CCDC88C: variants seen among roughly 807,000 people sequenced by gnomAD.
The protein encoded by CCDC88C is coiled-coil and HOOK domain protein 88C, also known as protein Daple.
CCDC88C carries 131 observed loss-of-function variants against 198.8 expected under a neutral mutation model. The ratio of observed to expected loss-of-function variants is 0.66; its 90% CI spans 0.57 to 0.76. CCDC88C has a LOEUF of 0.76. Ranked by LOEUF, CCDC88C falls within the 30% of genes least tolerant of loss-of-function variation. The pLI, the probability that CCDC88C is intolerant of heterozygous loss-of-function variation, is 0.00. For synonymous variants in CCDC88C, 1,166 were observed against 1,114.7 expected (o/e 1.05, Z -0.92); for missense variants, 2,553 against 2,631.6 (o/e 0.97, Z 0.65).
At chr14:91,412,880 T>C (rs1396188000) in intron 2 of CCDC88C, among the ~76,000 whole-genome samples, 1 of 152,170 alleles carries the variant, frequency 6.6e-6, no homozygotes, top group Non-Finnish European at 1.5e-5. Flanking sequence ...CAAGTAAAAT[T>C]TCCCCTTTTA....
Position 91,339,061 on chromosome 14 carries a change from T to C in CCDC88C, c.809+217A>G. The C allele has an allele frequency of 7.7e-6, 5 of 647,288 alleles. No individual in the cohort carries two copies. The highest frequency in any genetic ancestry group is 2.2e-5 in the Admixed American group (1 of 46,172). 40.1% of individuals were successfully genotyped at this position (647,288 alleles called of 1,614,324 possible). ...GCACCGTCTGGACGGGAGGAAACCC[T>C]GAAGACCGGGAAGAATCCCCGCCCC... On this transcript the variant is annotated intron_variant, in intron 8 of 29. Transcript: ENST00000389857. The surrounding 1 kb of genome is among the most constrained non-coding windows in gnomAD (Gnocchi z 5.8).
Position 91,313,188 on chromosome 14 carries a change from C to T in CCDC88C, c.2628G>A (p.Leu876=). ...EKESRALDKE[L]ARCRDAAGKL... is the part of the protein sequence containing the mutation. The stretch of plus-strand genomic sequence containing the variant: ...TGCCGGCTGCGTCCCTGCAGCGGGC[C>T]AGCTCCTTGTCCAGCGCGCGGCTCT... Residue 876 remains leucine, a synonymous_variant, in exon 15 of 30, where the codon CTG becomes CTA. Coordinates refer to ENST00000389857, the MANE Select transcript of CCDC88C (RefSeq NM_001080414.4). The surrounding 1 kb of genome is among the most constrained non-coding windows in gnomAD (Gnocchi z 5.2). 6.2e-7 allele frequency: 1 copy of T among 1,613,644 alleles called. No homozygotes were observed. The highest frequency in any genetic ancestry group is 1.3e-5 in the African/African-American group (1 of 75,068).
Position 91,293,474 on chromosome 14 carries a change from G to A in CCDC88C, c.4112+699C>T, listed in dbSNP as rs1235631918. Among the ~76,000 whole-genome samples the A allele has an allele frequency of 2.6e-5, 3 of 114,440 alleles. 1 individual carries two copies. Among genetic ancestry groups the A allele is most frequent in the East Asian group, 2.5e-4 (1 of 4,058 alleles). 75.1% of individuals were successfully genotyped at this position (114,440 alleles called of 152,430 possible). On this transcript the variant is annotated intron_variant, in intron 23 of 29. Coordinates refer to ENST00000389857, the MANE Select transcript of CCDC88C (RefSeq NM_001080414.4). The stretch of plus-strand genomic sequence containing the variant: ...ACGGTCCACCTTCCCATCCTCACCT[G>A]CCACAGCTCACCTTCCCATCCTCAC...
chr14:91,302,135 T>C (rs1341726009), intron 20 of CCDC88C, among the ~76,000 whole-genome samples: 4 of 152,184 alleles, frequency 2.6e-5, no homozygotes, highest in Non-Finnish European at 5.9e-5. Context: ...TCACCACCCA[T>C]GAACCCACAA....
rs186999598 is a variant in CCDC88C at position 91,381,056 on chromosome 14, A to G, written c.271-21345T>C. On this transcript the variant is annotated intron_variant, in intron 3 of 29. Transcript: ENST00000389857. This position sits in a 1 kb window ranked among gnomAD's most constrained non-coding sequence, Gnocchi z 4.2. The stretch of plus-strand genomic sequence containing the variant: ...AAATGGACCACAAACAGGGCTGTGA[A>G]GCAGTGTGTGCCCTGGTCCACCCTC... 6.6e-6 allele frequency among the ~76,000 whole-genome samples: 1 copy of G among 152,342 alleles called. No individual in the cohort carries two copies. The highest frequency in any genetic ancestry group is 1.5e-5 in the Non-Finnish European group (1 of 68,026).
chr14:91,349,536 G>A (rs758343258), intron 4 of CCDC88C, among the ~76,000 whole-genome samples: 13 of 152,198 alleles, frequency 8.5e-5, no homozygotes, highest in Admixed American at 3.3e-4. Flanking sequence ...CAACCACTGC[G>A]GGCGGGGATC....
At chr14:91,286,114 G>A (rs1262302231) in intron 25 of CCDC88C, among the ~76,000 whole-genome samples, 2 of 152,116 alleles carry the variant, frequency 1.3e-5, no homozygotes, top group African/African-American at 2.4e-5. Flanking sequence ...TGCCCAAGGA[G>A]CCAATGGTCT....
intron 4 of CCDC88C, among the ~76,000 whole-genome samples, chr14:91,348,314 A>C (rs1481516787): frequency 4.6e-5 from 5 of 109,712 alleles, no homozygotes; most frequent in African/African-American, 1.8e-4. Flanking sequence ...CCAAGACCCT[A>C]TCTCTATTAA....
intron 3 of CCDC88C, among the ~76,000 whole-genome samples, chr14:91,374,033 G>C (rs953812925): frequency 6.6e-6 from 1 of 152,212 alleles, no homozygotes; most frequent in African/African-American, 2.4e-5. Context: ...GCAGATGCTG[G>C]AACATGCTCA....
intron 1 of CCDC88C, 89 bp downstream of exon 1, chr14:91,417,542 C>CCCGGGTGGCT: frequency 7.8e-7 from 1 of 1,289,490 alleles, no homozygotes; most frequent in Non-Finnish European, 1.1e-6. Context: ...CACCCGGGGC[C>CCCGGGTGGCT]CCGGCCGTGT....
chr14:91,285,706 G>T (rs922437748), intron 25 of CCDC88C: 1 of 1,288,840 alleles, frequency 7.8e-7, no homozygotes, highest in Non-Finnish European at 1.0e-6. Flanking sequence ...AGAGAGGCTC[G>T]TTAGGAGAGG....
chr14:91,307,731 G>C (rs527552786), intron 17 of CCDC88C, among the ~76,000 whole-genome samples: 3 of 152,364 alleles, frequency 2.0e-5, no homozygotes, highest in African/African-American at 7.2e-5. Context: ...TGTGCACATT[G>C]AGAGCACGTG....
intron 3 of CCDC88C, among the ~76,000 whole-genome samples, chr14:91,364,366 T>C (rs902882351): frequency 5.9e-5 from 9 of 152,238 alleles, no homozygotes; most frequent in Non-Finnish European, 1.3e-4. Flanking sequence ...GACTTGCTTT[T>C]CAACTGCATC....
Position 91,381,459 on chromosome 14 carries a change from T to A in CCDC88C, c.271-21748A>T, listed in dbSNP as rs1420877128. ...TACTGAAGAAAAATGCTTTAAAACT[T>A]GACCCAAGAAGAGAGCAGGCAGCAA... On this transcript the variant is annotated intron_variant, in intron 3 of 29. Transcript: ENST00000389857. This position sits in a 1 kb window ranked among gnomAD's most constrained non-coding sequence, Gnocchi z 4.2. Among the ~76,000 whole-genome samples, 1 of 152,178 alleles carries A rather than the reference T, an allele frequency of 6.6e-6. No individual in the cohort carries two copies. The highest frequency in any genetic ancestry group is 1.5e-5 in the Non-Finnish European group (1 of 68,038).
Position 91,271,723 on chromosome 14 carries a change from A to G in CCDC88C, c.*902T>C, listed in dbSNP as rs999626838. On this transcript the variant is annotated 3_prime_UTR_variant, in exon 30 of 30. Coordinates refer to ENST00000389857, the MANE Select transcript of CCDC88C (RefSeq NM_001080414.4). ...TCTATACCCAAAAAGTTATTCAGAA[A>G]TAAATCAACACCCCGAGACCGGGGA... 8.5e-5 allele frequency: 13 copies of G among 152,366 alleles called. No homozygotes were observed. Among genetic ancestry groups the G allele is most frequent in the African/African-American group, 3.1e-4 (13 of 41,454 alleles). 9.4% of individuals were successfully genotyped at this position (152,366 alleles called of 1,614,324 possible). A position where few individuals can be genotyped will look rare whatever the true frequency, so the allele number is the denominator to read the frequency against.
At chr14:91,337,888 T>C in intron 10 of CCDC88C, 117 bp downstream of exon 10, 1 of 1,285,788 alleles carries the variant, frequency 7.8e-7, no homozygotes, top group South Asian at 1.3e-5. Flanking sequence ...CGGGGAAGCA[T>C]CTGCTGAAAC....
At chr14:91,317,657 G>A (rs964764984) in intron 13 of CCDC88C, among the ~76,000 whole-genome samples, 1 of 152,242 alleles carries the variant, frequency 6.6e-6, no homozygotes, top group Non-Finnish European at 1.5e-5. Context: ...AGGGAGGAGA[G>A]AGCTCCAGGC....
At chr14:91,403,154 C>T (rs1336505014) in intron 3 of CCDC88C, among the ~76,000 whole-genome samples, 1 of 152,198 alleles carries the variant, frequency 6.6e-6, no homozygotes, top group East Asian at 1.9e-4. Context: ...AGCCTTGCTG[C>T]CTCTGCACCT....
Position 91,289,209 on chromosome 14 carries a change from G to A in CCDC88C, c.4337C>T (p.Ala1446Val), listed in dbSNP as rs759055200. Residue 1446 changes from alanine (A) to valine (V), a missense_variant, in exon 25 of 30, where the codon GCG becomes GTG. This residue lies in a region of CCDC88C where 1,293 missense variants were observed against 1,219.6 expected (regional missense o/e 1.06). Coordinates refer to ENST00000389857, the MANE Select transcript of CCDC88C (RefSeq NM_001080414.4). ...QLESSDPASPAASQPLRSQAE... is the reference protein window; with the variant it reads ...QLESSDPASPVASQPLRSQAE... ...CTGTGATCTGAGCGGCTGAGAGGCCGCCGGCGAGGCGGGGTCTGAGGACTC... is the reference window on the plus strand; with the variant it reads ...CTGTGATCTGAGCGGCTGAGAGGCCACCGGCGAGGCGGGGTCTGAGGACTC... 26 of 1,613,890 alleles carry A rather than the reference G, an allele frequency of 1.6e-5. No homozygotes were observed. The Admixed American group carries it at 2.2e-4, about 13-fold the overall frequency.
Sources: gnomAD v4.1 joint callset for allele counts (sites outside exome capture counted in the v4.1 genomes callset) on GRCh38, gnomAD v4.1.1 for gene constraint, gnomAD v4.1.1 regional missense constraint, Gnocchi (gnomAD v3.1) non-coding constraint, MANE v1.5 for transcripts, NCBI Gene and HGNC (gene_info 2026-07-23, HGNC 2026-07-21) for gene names.